ZBTB20: variants seen among roughly 807,000 people sequenced by gnomAD.
The protein encoded by ZBTB20 is zinc finger and BTB domain containing 20.
Under a neutral mutation model 56.9 loss-of-function variants are expected in ZBTB20, and 9 were observed. The observed-to-expected ratio is 0.16, with a 90% CI of 0.10 to 0.28. The LOEUF (loss-of-function observed/expected upper bound fraction) is 0.28. Among genes scored for constraint, ZBTB20 ranks in the 10% least tolerant of loss-of-function variants. The pLI is 1.00. For missense variants in ZBTB20, 655 were observed against 1,003.0 expected, an observed-to-expected ratio of 0.65 and a Z score of 4.69; for synonymous variants, 417 against 420.7, an observed-to-expected ratio of 0.99 and a Z score of 0.11.
intron 5 of ZBTB20, among the ~76,000 whole-genome samples, chr3:114,761,498 T>C (rs1257411320): frequency 6.6e-6 from 1 of 152,162 alleles, no homozygotes; most frequent in African/African-American, 2.4e-5. Context: ...GATTTATTAC[T>C]TTATAGTTAC....
chr3:114,955,545 T>A (rs1302678580), intron 3 of ZBTB20, among the ~76,000 whole-genome samples: 1 of 152,160 alleles, frequency 6.6e-6, no homozygotes, highest in East Asian at 1.9e-4. Flanking sequence ...ACTGCCCAAC[T>A]GAAGTGGGCC....
chr3:114,970,157 G>T (rs746259202), intron 3 of ZBTB20, among the ~76,000 whole-genome samples: 32 of 152,200 alleles, frequency 2.1e-4, no homozygotes, highest in Middle Eastern at 3.4e-3. Context: ...GAGTGTATTA[G>T]TAACACTTCC....
intron 4 of ZBTB20, among the ~76,000 whole-genome samples, chr3:114,830,374 T>C (rs569105075): frequency 5.3e-5 from 8 of 151,982 alleles, no homozygotes; most frequent in Non-Finnish European, 8.8e-5. Flanking sequence ...GACTTTTCAC[T>C]ATCCAGGGTT....
At chr3:114,379,979 T>C (rs954940444) in intron 10 of ZBTB20, among the ~76,000 whole-genome samples, 4 of 152,224 alleles carry the variant, frequency 2.6e-5, no homozygotes, top group Non-Finnish European at 2.9e-5. Context: ...GAAAAGAACG[T>C]GTTTTATGTA....
intron 6 of ZBTB20, among the ~76,000 whole-genome samples, chr3:114,576,314 A>C (rs897079107): frequency 2.6e-5 from 4 of 151,774 alleles, no homozygotes; most frequent in Non-Finnish European, 5.9e-5. Flanking sequence ...CCTGGCTAAC[A>C]CAGTGAAACC....
At chr3:114,882,057 T>C (rs1560357148) in intron 4 of ZBTB20, among the ~76,000 whole-genome samples, 1 of 151,870 alleles carries the variant, frequency 6.6e-6, no homozygotes, top group Non-Finnish European at 1.5e-5. Context: ...TAACACATAC[T>C]ACAGAAAATT....
chr3:115,116,650 G>A (rs915093189), intron 1 of ZBTB20, among the ~76,000 whole-genome samples: 6 of 151,778 alleles, frequency 4.0e-5, no homozygotes, highest in South Asian at 2.1e-4. Flanking sequence ...TGAGTATGGC[G>A]TCTACACACA....
At chr3:114,996,409 C>T (rs550057851) in intron 2 of ZBTB20, among the ~76,000 whole-genome samples, 1 of 151,882 alleles carries the variant, frequency 6.6e-6, no homozygotes, top group South Asian at 2.1e-4. Flanking sequence ...TCCCTGTGTC[C>T]ATGTGTTCTC....
intron 5 of ZBTB20, among the ~76,000 whole-genome samples, chr3:114,714,460 C>T (rs1022094601): frequency 1.3e-5 from 2 of 151,968 alleles, no homozygotes; most frequent in African/African-American, 4.8e-5. Flanking sequence ...CTCTGCTTTT[C>T]AATCCCTTTG....
intron 1 of ZBTB20, among the ~76,000 whole-genome samples, chr3:115,128,742 AAGGGGAGGGGAGGGG>A (rs1160961641): frequency 1.5e-5 from 1 of 68,700 alleles, no homozygotes; most frequent in Non-Finnish European, 2.9e-5. Context: ...GAGGGGAGGG[AAGGGGAGGGGAGGGG>A]AGGGAAGGGA....
chr3:115,077,590 T>G (rs919125184), intron 1 of ZBTB20, among the ~76,000 whole-genome samples: 3 of 152,248 alleles, frequency 2.0e-5, no homozygotes, highest in Admixed American at 1.3e-4. Context: ...TGAATAAAGA[T>G]TTATTTAAAG....
At chr3:114,928,470 T>C (rs966643562) in intron 3 of ZBTB20, among the ~76,000 whole-genome samples, 8 of 152,106 alleles carry the variant, frequency 5.3e-5, no homozygotes, top group Non-Finnish European at 1.2e-4. Context: ...CTCAAGGTTC[T>C]TCAATGATGG....
intron 6 of ZBTB20, among the ~76,000 whole-genome samples, chr3:114,565,698 G>A (rs899443269): frequency 1.3e-5 from 2 of 152,080 alleles, no homozygotes; most frequent in Non-Finnish European, 2.9e-5. Flanking sequence ...ACCATGCGGT[G>A]TGTCCCAGTC....
chr3:115,124,736 G>A (rs992349852), intron 1 of ZBTB20, among the ~76,000 whole-genome samples: 9 of 151,968 alleles, frequency 5.9e-5, no homozygotes, highest in African/African-American at 1.7e-4. Flanking sequence ...AATCACTGAG[G>A]AAACACAAGA....
chr3:114,659,035 TA>T (rs1458085202), intron 6 of ZBTB20, among the ~76,000 whole-genome samples: 1 of 152,264 alleles, frequency 6.6e-6, no homozygotes, highest in Non-Finnish European at 1.5e-5. Flanking sequence ...TCATCCAGGT[TA>T]TCTCGTCAAC....
chr3:115,065,517 T>C (rs545964656), intron 2 of ZBTB20, among the ~76,000 whole-genome samples: 22 of 152,336 alleles, frequency 1.4e-4, no homozygotes, highest in Admixed American at 5.9e-4. Context: ...TGGATTTATA[T>C]ATTTTTTAGT....
intron 7 of ZBTB20, among the ~76,000 whole-genome samples, chr3:114,475,256 A>G: frequency 6.6e-6 from 1 of 151,804 alleles, no homozygotes; most frequent in East Asian, 1.9e-4. Flanking sequence ...CAAAGCCCAA[A>G]TCCAGTGTCA....
At chr3:114,593,991 G>C (rs1313064447) in intron 6 of ZBTB20, among the ~76,000 whole-genome samples, 4 of 152,150 alleles carry the variant, frequency 2.6e-5, no homozygotes, top group Admixed American at 6.5e-5. Context: ...TGCCTTCCTT[G>C]CTGAGTTAGA....
intron 5 of ZBTB20, among the ~76,000 whole-genome samples, chr3:114,724,311 T>C (rs1240219687): frequency 6.6e-6 from 1 of 152,204 alleles, no homozygotes; most frequent in African/African-American, 2.4e-5. Flanking sequence ...GCTCATCACA[T>C]GGTAACACTA....
Sources: allele counts gnomAD v4.1 joint callset (sites outside exome capture counted in the v4.1 genomes callset), GRCh38; gene constraint gnomAD v4.1.1; transcripts MANE v1.5; gene names NCBI Gene and HGNC (gene_info 2026-07-23, HGNC 2026-07-21).